The following WASF2 variants were observed in gnomAD, a reference collection of about 807,000 sequenced individuals.
The protein encoded by WASF2 is actin-binding protein WASF2.
In WASF2, 14 loss-of-function variants were observed where a neutral mutation model predicts 45.0. That is an observed-to-expected ratio of 0.31 (90% CI 0.21 to 0.49). The LOEUF is 0.49. WASF2 is among the 20% of genes least tolerant of loss of function. The probability of loss-of-function intolerance (pLI) is 0.99; values close to 1 mark genes in which losing one functional copy is unlikely to be tolerated. For synonymous variants in WASF2, 200 were observed against 236.3 expected, an observed-to-expected ratio of 0.85 and a Z score of 1.41; for missense variants, 439 against 636.1, an observed-to-expected ratio of 0.69 and a Z score of 3.33.
rs1346595123 is a variant in WASF2 at position 27,404,355 on chromosome 1, C to A, written c.*3834G>T. ...TGTGGTATACACACGATGAGCCTGGCAGGGAAGCAAATGAGACCAGGCTTG... is the reference window on the plus strand; with the variant it reads ...TGTGGTATACACACGATGAGCCTGGAAGGGAAGCAAATGAGACCAGGCTTG... On this transcript the variant is annotated 3_prime_UTR_variant, in exon 9 of 9. Transcript: ENST00000618852. The A allele has an allele frequency of 6.6e-6, 1 of 152,194 alleles. No homozygotes were observed. Among genetic ancestry groups the A allele is most frequent in the Non-Finnish European group, 1.5e-5 (1 of 68,046 alleles). The allele number at this position is 152,194 out of a possible 1,614,324, so 9.4% of individuals were successfully genotyped here. A position where few individuals can be genotyped will look rare whatever the true frequency, so the allele number is the denominator to read the frequency against.
At position 27,428,902 on chromosome 1, in the gene WASF2, T is replaced by C. The variant is rs1421996654; in HGVS notation, c.-12A>G. ...GTTACTAACGGCATGGTGGACCTGC[T>C]TCAGGCAATGTTCTGAATGGTGAAA... is the stretch of plus-strand genomic sequence containing the variant. On this transcript the variant is annotated 5_prime_UTR_variant, in exon 2 of 9. Transcript: ENST00000618852. 1.2e-6 allele frequency: 2 copies of C among 1,613,942 alleles called. No individual in the cohort carries two copies. The highest frequency in any genetic ancestry group is 4.5e-5 in the East Asian group (2 of 44,868).
chr1:27,431,856 T>C (rs758533605), intron 1 of WASF2, among the ~76,000 whole-genome samples: 7 of 152,230 alleles, frequency 4.6e-5, no homozygotes, highest in African/African-American at 1.4e-4. Context: ...AAATGGCTTA[T>C]TGTCAAAAAG....
At chr1:27,483,731 A>AGCTT (rs2017885727) in intron 1 of WASF2, among the ~76,000 whole-genome samples, 1 of 152,030 alleles carries the variant, frequency 6.6e-6, no homozygotes, top group Non-Finnish European at 1.5e-5. Flanking sequence ...CCAAGGCAGC[A>AGCTT]GGATGGCTTG....
intron 1 of WASF2, among the ~76,000 whole-genome samples, chr1:27,465,102 A>G (rs1365907656): frequency 2.0e-5 from 3 of 152,224 alleles, no homozygotes; most frequent in African/African-American, 7.2e-5. Flanking sequence ...AGACTGCCAG[A>G]TGTCTGACTT....
intron 1 of WASF2, among the ~76,000 whole-genome samples, chr1:27,488,598 C>T (rs1224790541): frequency 6.6e-6 from 1 of 152,202 alleles, no homozygotes; most frequent in African/African-American, 2.4e-5. Flanking sequence ...CTGACACACA[C>T]TTCAAAGGGA....
intron 1 of WASF2, among the ~76,000 whole-genome samples, chr1:27,440,707 T>C (rs560414940): frequency 2.5e-4 from 38 of 152,000 alleles, no homozygotes; most frequent in Non-Finnish European, 4.1e-4. Context: ...TCCTCCAGCC[T>C]CAGAAGGTGG....
intron 1 of WASF2, among the ~76,000 whole-genome samples, chr1:27,440,900 CTT>C (rs754711441): frequency 1.3e-5 from 2 of 151,808 alleles, no homozygotes; most frequent in Admixed American, 6.6e-5. Context: ...AGGTTTCACT[CTT>C]GTCACCCAGG....
intron 1 of WASF2, among the ~76,000 whole-genome samples, chr1:27,441,727 C>G (rs1387817567): frequency 8.0e-6 from 1 of 125,674 alleles, no homozygotes; most frequent in African/African-American, 3.1e-5. Context: ...GCACTCCAGG[C>G]TGGGTGACAG....
rs750624330 is a variant in WASF2 at position 27,412,741 on chromosome 1, G to A, written c.669-14C>T. On this transcript the variant is annotated splice_polypyrimidine_tract_variant and intron_variant, in intron 6 of 8. Transcript: ENST00000618852. ...GTGGGTGGATACCTGACAATGAACC[G>A]AATGCCAAAAACTGTCATTTAAAGA... 1.4e-5 allele frequency: 23 copies of A among 1,613,826 alleles called. No homozygotes were observed. The highest frequency in any genetic ancestry group is 1.6e-5 in the Non-Finnish European group (19 of 1,179,832).
chr1:27,464,880 C>A (rs2148133662), intron 1 of WASF2, among the ~76,000 whole-genome samples: 1 of 152,320 alleles, frequency 6.6e-6, no homozygotes, highest in East Asian at 1.9e-4. Context: ...AGGCGCGTGC[C>A]ACCACGCCCG....
intron 3 of WASF2, among the ~76,000 whole-genome samples, chr1:27,418,732 G>A (rs966555564): frequency 5.3e-5 from 8 of 152,202 alleles, no homozygotes; most frequent in Non-Finnish European, 1.2e-4. Flanking sequence ...GGGGAAATTT[G>A]AGAAAGAAGG....
At chr1:27,482,781 G>C (rs1343503486) in intron 1 of WASF2, among the ~76,000 whole-genome samples, 2 of 152,140 alleles carry the variant, frequency 1.3e-5, no homozygotes, top group African/African-American at 4.8e-5. Context: ...CAGAAAGAAG[G>C]AGAAAAAGGA....
In WASF2 at chr1:27,455,466, G is replaced by C. The variant is rs1400508347; in HGVS notation, c.-43-26533C>G. On this transcript the variant is annotated intron_variant, in intron 1 of 8. Transcript: ENST00000618852. The stretch of plus-strand genomic sequence containing the variant: ...TATCTGAGAATTGGGGGTGGGTTAG[G>C]GATGTGAGAAGGGCCGAGACTGAGA... Among the ~76,000 whole-genome samples, 3 of 152,124 alleles carry C rather than the reference G, an allele frequency of 2.0e-5. No homozygotes were observed. In the East Asian group the frequency reaches 5.8e-4, roughly 29 times the overall value.
intron 1 of WASF2, among the ~76,000 whole-genome samples, chr1:27,447,623 G>A (rs987495143): frequency 6.6e-6 from 1 of 152,136 alleles, no homozygotes; most frequent in African/African-American, 2.4e-5. Flanking sequence ...GGTTGCTGTG[G>A]GTTCCCTCAT....
chr1:27,447,474 G>T (rs1257820954), intron 1 of WASF2, among the ~76,000 whole-genome samples: 1 of 152,202 alleles, frequency 6.6e-6, no homozygotes, highest in Non-Finnish European at 1.5e-5. Flanking sequence ...AATGGATGAG[G>T]CTGGCTGTGA....
At chr1:27,408,821 G>A (rs182713290) in intron 8 of WASF2, among the ~76,000 whole-genome samples, 2 of 152,122 alleles carry the variant, frequency 1.3e-5, no homozygotes, top group Non-Finnish European at 2.9e-5. Flanking sequence ...ATGATGAAGG[G>A]GGAGGGAAGG....
intron 1 of WASF2, among the ~76,000 whole-genome samples, chr1:27,460,395 C>T (rs796557292): frequency 2.0e-5 from 3 of 151,670 alleles, no homozygotes; most frequent in Admixed American, 6.6e-5. Context: ...GTTCTGTTGG[C>T]GAAAGAAAAA....
chr1:27,441,030 C>T (rs2017218808), intron 1 of WASF2, among the ~76,000 whole-genome samples: 1 of 151,898 alleles, frequency 6.6e-6, no homozygotes, highest in Non-Finnish European at 1.5e-5. Flanking sequence ...CCACGCTCAG[C>T]TAATTTTTTG....
Position 27,489,717 on chromosome 1 carries a change from A to C in WASF2, c.-44+269T>G, listed in dbSNP as rs575603262. ...CAAGATCACACAGCGAGCTGATGGC[A>C]GAACCAGGTCAGGCCGGGACACTCA... On this transcript the variant is annotated intron_variant, in intron 1 of 8. Coordinates refer to ENST00000618852, the MANE Select transcript of WASF2 (RefSeq NM_006990.5). Among the ~76,000 whole-genome samples the C allele has an allele frequency of 7.6e-4, 116 of 152,324 alleles. 1 individual carries two copies. Among genetic ancestry groups the C allele is most frequent in the Admixed American group, 2.0e-3 (31 of 15,310 alleles).
Sources: allele counts gnomAD v4.1 joint callset (sites outside exome capture counted in the v4.1 genomes callset), GRCh38; gene constraint gnomAD v4.1.1; transcripts MANE v1.5; gene names NCBI Gene and HGNC (gene_info 2026-07-23, HGNC 2026-07-21).